Variants in RBFOX1 observed in about 807,000 individuals in gnomAD.
The protein encoded by RBFOX1 is RNA binding fox-1 homolog 1, also known as RNA binding protein fox-1 homolog 1.
A neutral mutation model predicts 57.7 loss-of-function variants in RBFOX1; 8 were observed. The observed-to-expected ratio is 0.14, with a 90% CI of 0.08 to 0.25. The LOEUF is 0.25. RBFOX1 is among the 10% of genes least tolerant of loss of function. RBFOX1 has a pLI of 1.00. For missense variants in RBFOX1, 611 were observed against 548.5 expected, an observed-to-expected ratio of 1.11 and a Z score of -1.14; for synonymous variants, 326 against 222.4, an observed-to-expected ratio of 1.47 and a Z score of -4.15.
chr16:5,400,696 G>A (rs2066691636), intron 1 of RBFOX1, among the ~76,000 whole-genome samples: 1 of 151,452 alleles, frequency 6.6e-6, no homozygotes, highest in Admixed American at 6.6e-5. Flanking sequence ...ATAATGCTGT[G>A]TAAACTTTTG....
intron 4 of RBFOX1, among the ~76,000 whole-genome samples, chr16:7,417,609 C>G (rs1050446676): frequency 5.3e-5 from 8 of 151,624 alleles, no homozygotes; most frequent in Admixed American, 1.3e-4. Flanking sequence ...TGATAGCCAC[C>G]ATAGCCAACA....
chr16:7,179,857 C>G (rs2082354214), intron 4 of RBFOX1, among the ~76,000 whole-genome samples: 2 of 152,154 alleles, frequency 1.3e-5, no homozygotes, highest in East Asian at 1.9e-4. Flanking sequence ...GCCTCAGCCT[C>G]CTGAATAGCT....
chr16:6,798,235 C>T (rs916732922), intron 3 of RBFOX1, among the ~76,000 whole-genome samples: 1 of 152,134 alleles, frequency 6.6e-6, no homozygotes, highest in Non-Finnish European at 1.5e-5. Context: ...ACTGGGGATA[C>T]TAGTCCCAGA....
At chr16:6,430,641 C>G (rs1425694151) in intron 2 of RBFOX1, among the ~76,000 whole-genome samples, 2 of 152,038 alleles carry the variant, frequency 1.3e-5, no homozygotes, top group Non-Finnish European at 1.5e-5. Context: ...TGAGAGGAAA[C>G]AAGCCAGATG....
Position 7,347,415 on chromosome 16 carries a change from G to A in RBFOX1, c.28-170732G>A, listed in dbSNP as rs372237657. On this transcript the variant is annotated intron_variant, in intron 4 of 15. Coordinates refer to ENST00000550418, the MANE Select transcript of RBFOX1 (RefSeq NM_018723.4). The stretch of plus-strand genomic sequence containing the variant: ...TTTTTAAAATCATCAGGTTTCATGA[G>A]ACTTGTTCATTATCAGGAGAACAGC... Among the ~76,000 whole-genome samples, 15 of 152,220 alleles carry A rather than the reference G, an allele frequency of 9.9e-5. No individual in the cohort carries two copies. The East Asian group carries it at 2.9e-3, about 29-fold the overall frequency.
intron 5 of RBFOX1, among the ~76,000 whole-genome samples, chr16:7,556,239 T>C (rs1473386440): frequency 6.6e-6 from 1 of 152,200 alleles, no homozygotes; most frequent in African/African-American, 2.4e-5. Flanking sequence ...CGGTCAAATC[T>C]GAGAGCCCAG....
chr16:6,154,953 A>C (rs2096828221), intron 1 of RBFOX1, among the ~76,000 whole-genome samples: 1 of 152,250 alleles, frequency 6.6e-6, no homozygotes, highest in Admixed American at 6.5e-5. Context: ...TTTAATATTC[A>C]AAATGGTTTT....
chr16:6,493,859 T>C (rs933520363), intron 2 of RBFOX1, among the ~76,000 whole-genome samples: 2 of 152,196 alleles, frequency 1.3e-5, no homozygotes, highest in South Asian at 4.1e-4. Context: ...AAATAATCAG[T>C]ATAAACTATG....
At chr16:7,291,370 T>A (rs2095769357) in intron 4 of RBFOX1, among the ~76,000 whole-genome samples, 1 of 152,184 alleles carries the variant, frequency 6.6e-6, no homozygotes, top group African/African-American at 2.4e-5. Context: ...TACCTAAGTA[T>A]AGCTTTTTCC....
At chr16:7,161,045 A>C (rs1242001216) in intron 4 of RBFOX1, among the ~76,000 whole-genome samples, 2 of 151,918 alleles carry the variant, frequency 1.3e-5, no homozygotes, top group African/African-American at 4.9e-5. Flanking sequence ...GTTTTGGTTC[A>C]GGTTGTTCCC....
chr16:5,847,265 T>C (rs945453735), intron 3 of RBFOX1, among the ~76,000 whole-genome samples: 6 of 151,954 alleles, frequency 3.9e-5, no homozygotes, highest in Non-Finnish European at 8.8e-5. Context: ...GGACACATAG[T>C]TGGGAACATG....
intron 1 of RBFOX1, among the ~76,000 whole-genome samples, chr16:6,237,426 C>A (rs59559170): frequency 6.6e-6 from 1 of 151,964 alleles, no homozygotes; most frequent in Non-Finnish European, 1.5e-5. Flanking sequence ...AGCCAACGTG[C>A]CTCAGGTTAC....
rs565248640 is a variant in RBFOX1, at chr16:6,512,283, C to CAAAAAAAAAAAAAAAAAAAAA, written c.-63-142304_-63-142303insAAAAAAAAAAAAAAAAAAAAA. On this transcript the variant is annotated intron_variant, in intron 2 of 15. Coordinates refer to ENST00000550418, the MANE Select transcript of RBFOX1 (RefSeq NM_018723.4). ...TGGGTAACAGAGCAAGACCCTGTAT[C>CAAAAAAAAAAAAAAAAAAAAA]AAAAAAAAAAAAAAAAGGTAAGAGA... Among the ~76,000 whole-genome samples, 12 of 86,948 alleles carry CAAAAAAAAAAAAAAAAAAAAA rather than the reference C, an allele frequency of 1.4e-4. No homozygotes were observed. In the East Asian group the frequency reaches 1.6e-3, roughly 11 times the overall value. 57.0% of individuals were successfully genotyped at this position (86,948 alleles called of 152,430 possible).
At chr16:6,837,332 G>C (rs1413817429) in intron 3 of RBFOX1, among the ~76,000 whole-genome samples, 2 of 152,176 alleles carry the variant, frequency 1.3e-5, no homozygotes, top group African/African-American at 4.8e-5. Flanking sequence ...TGTGCCACCT[G>C]GCTGACTCTG....
chr16:6,784,496 G>T (rs2081584631), intron 3 of RBFOX1, among the ~76,000 whole-genome samples: 2 of 152,030 alleles, frequency 1.3e-5, no homozygotes, highest in African/African-American at 4.8e-5. Flanking sequence ...AGATTTATCT[G>T]ATAGAATTCC....
upstream of RBFOX1, among the ~76,000 whole-genome samples, chr16:6,017,324 A>G (rs919232040): frequency 1.3e-5 from 2 of 152,212 alleles, no homozygotes; most frequent in South Asian, 2.1e-4. Flanking sequence ...TTCTTCTATC[A>G]TTATTGATAA....
chr16:7,018,452 A>G (rs750763542), intron 3 of RBFOX1, among the ~76,000 whole-genome samples: 1 of 152,168 alleles, frequency 6.6e-6, no homozygotes, highest in Non-Finnish European at 1.5e-5. Flanking sequence ...TGTTTTTGAA[A>G]TACAACGTCT....
intron 2 of RBFOX1, among the ~76,000 whole-genome samples, chr16:5,479,319 T>C (rs988849631): frequency 5.3e-5 from 8 of 152,202 alleles, no homozygotes; most frequent in Non-Finnish European, 2.9e-5. Flanking sequence ...ACAAGGACTG[T>C]AAGCACAGAG....
chr16:7,371,459 C>T (rs2097564189), intron 4 of RBFOX1, among the ~76,000 whole-genome samples: 1 of 152,148 alleles, frequency 6.6e-6, no homozygotes, highest in African/African-American at 2.4e-5. Context: ...TATAGATATG[C>T]ACATATATGG....
Sources: gnomAD v4.1 joint callset for allele counts (sites outside exome capture counted in the v4.1 genomes callset) on GRCh38, gnomAD v4.1.1 for gene constraint, MANE v1.5 for transcripts, NCBI Gene and HGNC (gene_info 2026-07-23, HGNC 2026-07-21) for gene names.